CFH: variants seen among roughly 807,000 people sequenced by gnomAD.
CFH encodes complement factor H.
CFH carries 53 observed loss-of-function variants against 147.3 expected under a neutral mutation model. The ratio of observed to expected loss-of-function variants is 0.36; its 90% CI spans 0.29 to 0.45. The LOEUF (loss-of-function observed/expected upper bound fraction) is 0.45. Ranked by LOEUF, CFH falls within the 20% of genes least tolerant of loss-of-function variation. The pLI is 1.00. For missense variants in CFH, 1,380 were observed against 1,498.0 expected (o/e 0.92, Z 1.30); for synonymous variants, 536 against 489.4 (o/e 1.10, Z -1.26).
In CFH at chr1:196,737,533, G is replaced by A. The variant is rs753838393; in HGVS notation, c.2655G>A (p.Arg885=). The A allele has an allele frequency of 2.5e-6, 4 of 1,613,186 alleles. No individual in the cohort carries two copies. The highest frequency in any genetic ancestry group is 1.3e-5 in the African/African-American group (1 of 74,938). Residue 885 remains arginine (R), a synonymous_variant, in exon 17 of 22, where the codon AGG becomes AGA. Transcript: ENST00000367429. ...AACACGGAACCATTAATTCATCCAG[G>A]TCTTCACAAGAAAGTTATGCACATG... The part of the protein sequence containing the change: ...QIEHGTINSS[R]SSQESYAHGT...
intron 19 of CFH, 71 bp from the exon 20 acceptor site, chr1:196,743,381 G>T (rs1335778061): frequency 6.3e-7 from 1 of 1,579,976 alleles, no homozygotes; most frequent in Non-Finnish European, 8.7e-7. Context: ...AAATATATTT[G>T]TAACTGTTAT....
Position 196,685,130 on chromosome 1 carries a change from C to A in CFH, c.857C>A (p.Thr286Asn). The A allele has an allele frequency of 1.2e-6, 2 of 1,612,706 alleles. No homozygotes were observed. Among genetic ancestry groups the A allele is most frequent in the Non-Finnish European group, 1.7e-6 (2 of 1,179,024 alleles). ...DYSPLRIKHR[T>N]GDEITYQCRN... ...TCACCTTTAAGGATTAAACACAGAA[C>A]TGGAGATGAAATCACGTACCAGTGT... Residue 286 changes from threonine (T) to asparagine (N), a missense_variant, in exon 7 of 22, where the codon ACT becomes AAT. This residue lies in a region of CFH where 167 missense variants were observed against 228.0 expected (regional missense o/e 0.73). Transcript: ENST00000367429.
intron 1 of CFH, among the ~76,000 whole-genome samples, chr1:196,659,019 G>A (rs1241533526): frequency 1.3e-5 from 2 of 152,068 alleles, no homozygotes; most frequent in Non-Finnish European, 2.9e-5. Flanking sequence ...AGATATGATG[G>A]CTTAGTCTAC....
intron 1 of CFH, among the ~76,000 whole-genome samples, chr1:196,672,560 T>C (rs1441115199): frequency 6.6e-6 from 1 of 152,240 alleles, no homozygotes; most frequent in East Asian, 1.9e-4. Context: ...CCTAATAGAA[T>C]GGAAATGCTT....
intron 9 of CFH, among the ~76,000 whole-genome samples, chr1:196,706,602 C>T (rs138298060): frequency 7.2e-4 from 109 of 152,264 alleles, no homozygotes; most frequent in Middle Eastern, 3.4e-3. Flanking sequence ...ATATGTGACA[C>T]GGAAGAAAAG....
intron 7 of CFH, among the ~76,000 whole-genome samples, chr1:196,685,876 C>A (rs1334610604): frequency 2.0e-5 from 3 of 152,110 alleles, no homozygotes; most frequent in African/African-American, 7.2e-5. Context: ...TTAGTGTGTT[C>A]TCACACTACT....
At chr1:196,725,051 G>C in intron 11 of CFH, 70 bp from the exon 12 acceptor site, 1 of 1,314,902 alleles carries the variant, frequency 7.6e-7, no homozygotes, top group Non-Finnish European at 1.1e-6. Flanking sequence ...ACTTTATTGT[G>C]GCATATGTAA....
chr1:196,666,755 G>C (rs1314160537), intron 1 of CFH, among the ~76,000 whole-genome samples: 2 of 148,936 alleles, frequency 1.3e-5, no homozygotes, highest in African/African-American at 4.9e-5. Context: ...AGGTTGTGGT[G>C]AGCTGAGATT....
intron 1 of CFH, among the ~76,000 whole-genome samples, chr1:196,655,732 C>T (rs1666663462): frequency 1.3e-5 from 2 of 152,136 alleles, no homozygotes; most frequent in African/African-American, 4.8e-5. Flanking sequence ...CTATCCCGTG[C>T]TCAGTTAACT....
At chr1:196,745,234 T>C (rs1216285704) in intron 20 of CFH, among the ~76,000 whole-genome samples, 1 of 152,146 alleles carries the variant, frequency 6.6e-6, no homozygotes, top group Non-Finnish European at 1.5e-5. Context: ...TTTTCAGGCA[T>C]CATTTTATTT....
At chr1:196,734,573 G>A (rs1312939864) in intron 15 of CFH, among the ~76,000 whole-genome samples, 3 of 151,958 alleles carry the variant, frequency 2.0e-5, no homozygotes, top group Admixed American at 2.0e-4. Context: ...GTTTACTTTA[G>A]GGGGTTGCAG....
intron 1 of CFH, among the ~76,000 whole-genome samples, chr1:196,665,727 G>T (rs1311803889): frequency 6.6e-6 from 1 of 152,018 alleles, no homozygotes; most frequent in South Asian, 2.1e-4. Context: ...CCTGCCTCAC[G>T]CCCCCACGTA....
At chr1:196,664,176 C>A (rs1667000476) in intron 1 of CFH, among the ~76,000 whole-genome samples, 1 of 152,140 alleles carries the variant, frequency 6.6e-6, no homozygotes, top group African/African-American at 2.4e-5. Context: ...CTGTCCCAGC[C>A]TCTCACATAG....
intron 17 of CFH, among the ~76,000 whole-genome samples, chr1:196,738,132 G>A (rs1652651901): frequency 6.6e-6 from 1 of 152,130 alleles, no homozygotes; most frequent in African/African-American, 2.4e-5. Context: ...ACTATCCTGA[G>A]AACAGAAGCA....
chr1:196,707,677 A>G (rs1357729488), intron 9 of CFH, among the ~76,000 whole-genome samples: 1 of 152,172 alleles, frequency 6.6e-6, no homozygotes, highest in Non-Finnish European at 1.5e-5. Flanking sequence ...GGCCACTTCA[A>G]CTTCAGAGAC....
chr1:196,667,388 T>A (rs977639771), intron 1 of CFH, among the ~76,000 whole-genome samples: 1 of 152,180 alleles, frequency 6.6e-6, no homozygotes, highest in Non-Finnish European at 1.5e-5. Context: ...TTCAGACACA[T>A]TTGCAATTAT....
chr1:196,735,595 A>C (rs187000177), intron 15 of CFH, among the ~76,000 whole-genome samples: 126 of 152,196 alleles, frequency 8.3e-4, no homozygotes, highest in Non-Finnish European at 1.5e-3. Context: ...TATAACATGC[A>C]TCAGAAAAAA....
At chr1:196,679,456 C>T (rs983939620) in intron 5 of CFH, 167 bp from the exon 6 acceptor site, 2 of 511,964 alleles carry the variant, frequency 3.9e-6, no homozygotes, top group African/African-American at 3.9e-5. Context: ...AGAATTTTAA[C>T]TTTCTTCAGA....
chr1:196,675,811 CAG>C (rs56237321), intron 3 of CFH, among the ~76,000 whole-genome samples, 176 bp from the exon 4 acceptor site: 128 of 151,812 alleles, frequency 8.4e-4, no homozygotes, highest in Non-Finnish European at 1.3e-3. Flanking sequence ...AAATCTAAGA[CAG>C]AGTGAAGGAG....
Sources: allele counts gnomAD v4.1 joint callset (sites outside exome capture counted in the v4.1 genomes callset), GRCh38; gene constraint gnomAD v4.1.1; regional missense constraint gnomAD v4.1.1; transcripts MANE v1.5; gene names NCBI Gene and HGNC (gene_info 2026-07-23, HGNC 2026-07-21).